Variants in CTTNBP2NL observed in about 807,000 individuals in gnomAD.
CTTNBP2NL encodes CTTNBP2 N-terminal like.
In CTTNBP2NL, 16 loss-of-function variants were observed where a neutral mutation model predicts 32.5. The observed-to-expected ratio is 0.49, with a 90% CI of 0.33 to 0.75. CTTNBP2NL has a LOEUF of 0.75. Ranked by LOEUF, CTTNBP2NL falls within the 30% of genes least tolerant of loss-of-function variation. The probability of loss-of-function intolerance (pLI) is 0.02; values close to 1 mark genes in which losing one functional copy is unlikely to be tolerated. For missense variants in CTTNBP2NL, 645 were observed against 756.0 expected (o/e 0.85, Z 1.72); for synonymous variants, 298 against 289.4 (o/e 1.03, Z -0.30).
chr1:112,425,993 GTGTGTGTGTGTC>G lies in CTTNBP2NL; in HGVS notation c.99+9733_99+9744del, dbSNP rs797017802. 3.4e-3 allele frequency among the ~76,000 whole-genome samples: 458 copies of G among 134,078 alleles called. 5 individuals carry two copies. The highest frequency in any genetic ancestry group is 0.018 in the Middle Eastern group (5 of 274). The allele number at this position is 134,078 out of a possible 152,430, so 88.0% of individuals were successfully genotyped here. On this transcript the variant is annotated intron_variant, in intron 3 of 5. Coordinates refer to ENST00000271277, the MANE Select transcript of CTTNBP2NL (RefSeq NM_018704.3). ...TGTGTGTGTGTGTGTGTGTGTGTGT[GTGTGTGTGTGTC>G]TGTCTGTCTTACTACATTGGCTAGA...
chr1:112,457,067 C>A lies in CTTNBP2NL; in HGVS notation c.1575C>A (p.Asn525Lys), dbSNP rs760820771. The A allele has an allele frequency of 6.2e-7, 1 of 1,614,190 alleles. No homozygotes were observed. Among genetic ancestry groups the A allele is most frequent in the Admixed American group, 1.7e-5 (1 of 60,030 alleles). ...QQGPIKPVSP[N>K]SSPFGTDYRN... Reference sequence around the variant, plus strand: ...GGCCAATCAAGCCAGTCTCTCCCAACAGCTCTCCCTTTGGCACAGACTATC... The same window carrying A: ...GGCCAATCAAGCCAGTCTCTCCCAAAAGCTCTCCCTTTGGCACAGACTATC... The change falls in exon 6 of 6, where the codon AAC becomes AAA. Residue 525 changes from asparagine to lysine, a missense_variant. Transcript: ENST00000271277.
intron 3 of CTTNBP2NL, among the ~76,000 whole-genome samples, chr1:112,435,498 T>A (rs1649704973): frequency 6.6e-6 from 1 of 152,172 alleles, no homozygotes; most frequent in Admixed American, 6.5e-5. Context: ...CAAAATAGAT[T>A]GCTAATTATT....
chr1:112,448,980 A>G lies in CTTNBP2NL; in HGVS notation c.138A>G (p.Gly46=). ...ATACTTTCATTGAAGAACGCTATGGAAAATATAACATCAGTGATCCTTTAA... is the reference window on the plus strand; with the variant it reads ...ATACTTTCATTGAAGAACGCTATGGGAAATATAACATCAGTGATCCTTTAA... The part of the protein sequence containing the change: ...HRDTFIEERY[G]KYNISDPLMA... Residue 46 remains glycine, a synonymous_variant, in exon 4 of 6, where the codon GGA becomes GGG. Coordinates refer to ENST00000271277, the MANE Select transcript of CTTNBP2NL (RefSeq NM_018704.3). 6.2e-7 allele frequency: 1 copy of G among 1,612,818 alleles called. No individual in the cohort carries two copies. Among genetic ancestry groups the G allele is most frequent in the Non-Finnish European group, 8.5e-7 (1 of 1,178,794 alleles).
In CTTNBP2NL at chr1:112,400,000, C is replaced by T. The variant is rs911850901; in HGVS notation, c.-134+3728C>T. On this transcript the variant is annotated intron_variant, in intron 1 of 5. Coordinates refer to ENST00000271277, the MANE Select transcript of CTTNBP2NL (RefSeq NM_018704.3). ...AGGAGAATGGCTTAAACCCAGGAGGCGGAGGTTGCAGTGAGCCGAGATCAC... is the reference window on the plus strand; with the variant it reads ...AGGAGAATGGCTTAAACCCAGGAGGTGGAGGTTGCAGTGAGCCGAGATCAC... 2.6e-5 allele frequency among the ~76,000 whole-genome samples: 4 copies of T among 151,984 alleles called. No homozygotes were observed. The East Asian group carries it at 7.7e-4, about 29-fold the overall frequency.
intron 3 of CTTNBP2NL, among the ~76,000 whole-genome samples, chr1:112,447,272 TAA>T (rs35522134): frequency 0.012 from 840 of 69,636 alleles, 15 homozygotes; most frequent in African/African-American, 0.04. Context: ...AGACTCCATC[TAA>T]AAAAAAAAAA....
rs192523477 is a variant in CTTNBP2NL at position 112,425,941 on chromosome 1, T to G, written c.99+9677T>G. 1.9e-4 allele frequency among the ~76,000 whole-genome samples: 29 copies of G among 149,362 alleles called. No homozygotes were observed. In the East Asian group the frequency reaches 5.8e-3, roughly 30 times the overall value. ...AATAAGGACAGTTTTACTTACTTCT[T>G]TCTAATCTGGATGCCGTGTGTGTGT... On this transcript the variant is annotated intron_variant, in intron 3 of 5. Transcript: ENST00000271277.
upstream of CTTNBP2NL, among the ~76,000 whole-genome samples, chr1:112,392,961 G>A (rs561274256): frequency 7.2e-5 from 11 of 152,190 alleles, no homozygotes; most frequent in African/African-American, 2.2e-4. Flanking sequence ...GGGTTCAAGC[G>A]ATTCTCCTGC....
At chr1:112,403,737 C>T (rs1936047) in intron 1 of CTTNBP2NL, among the ~76,000 whole-genome samples, 12,643 of 152,228 alleles carry the variant, frequency 0.083, 1,672 homozygotes, top group African/African-American at 0.28. Context: ...CTAATCTAAG[C>T]AGAAGGCTGG....
chr1:112,412,576 G>A (rs1648904374), intron 2 of CTTNBP2NL, among the ~76,000 whole-genome samples: 1 of 132,018 alleles, frequency 7.6e-6, no homozygotes, highest in Non-Finnish European at 1.6e-5. Flanking sequence ...TATTTATATT[G>A]TGTTCATGTA....
Position 112,443,926 on chromosome 1 carries a change from C to T in CTTNBP2NL, c.100-5016C>T, listed in dbSNP as rs574515449. On this transcript the variant is annotated intron_variant, in intron 3 of 5. Transcript: ENST00000271277. ...TTTATCTATAGTGTGAATTACTTGA[C>T]AGTAAATAGATTCAGTGTGCATGTG... Among the ~76,000 whole-genome samples, 9 of 152,278 alleles carry T rather than the reference C, an allele frequency of 5.9e-5. No individual in the cohort carries two copies. In the East Asian group the frequency reaches 1.7e-3, roughly 29 times the overall value.
intron 1 of CTTNBP2NL, among the ~76,000 whole-genome samples, chr1:112,397,691 C>G (rs541107593): frequency 6.6e-6 from 1 of 152,124 alleles, no homozygotes; most frequent in Non-Finnish European, 1.5e-5. Context: ...CAGTAATCAT[C>G]TATTGCTAGC....
chr1:112,412,019 G>A (rs1648886740), intron 1 of CTTNBP2NL, among the ~76,000 whole-genome samples, 175 bp from the exon 2 acceptor site: 1 of 152,090 alleles, frequency 6.6e-6, no homozygotes, highest in South Asian at 2.1e-4. Flanking sequence ...CAGATTCCTG[G>A]TATTTTTCAT....
chr1:112,411,349 T>A (rs1310221951), intron 1 of CTTNBP2NL, among the ~76,000 whole-genome samples: 1 of 152,206 alleles, frequency 6.6e-6, no homozygotes, highest in Admixed American at 6.5e-5. Flanking sequence ...TTAAAGCCTA[T>A]CATTTTTAAT....
intron 3 of CTTNBP2NL, among the ~76,000 whole-genome samples, chr1:112,444,296 T>TAC (rs1649974664): frequency 1.3e-5 from 2 of 152,344 alleles, no homozygotes; most frequent in East Asian, 3.9e-4. Context: ...GATTGGAATA[T>TAC]ACACACACAC....
At chr1:112,406,207 A>C (rs571967606) in intron 1 of CTTNBP2NL, among the ~76,000 whole-genome samples, 22 of 151,982 alleles carry the variant, frequency 1.4e-4, no homozygotes, top group African/African-American at 4.1e-4. Context: ...CGTGTGCTAG[A>C]CCTAGTTCTA....
At chr1:112,425,937 TTCTTTCTAATCTGGATGCC>T (rs1212446127) in intron 3 of CTTNBP2NL, among the ~76,000 whole-genome samples, 5 of 150,284 alleles carry the variant, frequency 3.3e-5, no homozygotes, top group Non-Finnish European at 7.4e-5. Flanking sequence ...TTTTACTTAC[TTCTTTCTAATCTGGATGCC>T]GTGTGTGTGT....
Position 112,456,114 on chromosome 1 carries a change from GAGA to G in CTTNBP2NL, c.625_627del (p.Lys209del). On this transcript the variant is annotated inframe_deletion, in exon 6 of 6. Coordinates refer to ENST00000271277, the MANE Select transcript of CTTNBP2NL (RefSeq NM_018704.3). ...GGCAGGAGAGCTGAGCCTGAAATTGGAGAAGGAGAAGAGCCGGGTGAGTAAACT... is the reference window on the plus strand; with the variant it reads ...GGCAGGAGAGCTGAGCCTGAAATTGGAGGAGAAGAGCCGGGTGAGTAAACT... 2 of 1,614,128 alleles carry G rather than the reference GAGA, an allele frequency of 1.2e-6. No individual in the cohort carries two copies. Among genetic ancestry groups the G allele is most frequent in the Non-Finnish European group, 1.7e-6 (2 of 1,180,030 alleles).
chr1:112,430,021 C>T (rs1453431778), intron 3 of CTTNBP2NL, among the ~76,000 whole-genome samples: 1 of 151,952 alleles, frequency 6.6e-6, no homozygotes, highest in East Asian at 1.9e-4. Context: ...AGAAAAGGGC[C>T]AAAAGGTACA....
intron 3 of CTTNBP2NL, among the ~76,000 whole-genome samples, chr1:112,444,160 G>A (rs1472102892): frequency 6.6e-6 from 1 of 152,178 alleles, no homozygotes; most frequent in African/African-American, 2.4e-5. Flanking sequence ...CCTGAGTCTT[G>A]AAAATAAAAC....
Sources: gnomAD v4.1 joint callset for allele counts (sites outside exome capture counted in the v4.1 genomes callset) on GRCh38, gnomAD v4.1.1 for gene constraint, MANE v1.5 for transcripts, NCBI Gene and HGNC (gene_info 2026-07-23, HGNC 2026-07-21) for gene names.